Variants in MRM3 observed in about 807,000 individuals in gnomAD.
The protein encoded by MRM3 is rRNA methyltransferase 3, mitochondrial.
MRM3 carries 26 observed loss-of-function variants against 29.4 expected under a neutral mutation model. That is an observed-to-expected ratio of 0.89 (90% CI 0.65 to 1.23). The LOEUF (loss-of-function observed/expected upper bound fraction) is 1.23. MRM3 is among the 50% of genes most tolerant of loss of function. The pLI, the probability that MRM3 is intolerant of heterozygous loss-of-function variation, is 0.00. For synonymous variants in MRM3, 225 were observed against 219.0 expected, an observed-to-expected ratio of 1.03 and a Z score of -0.24; for missense variants, 578 against 540.2, an observed-to-expected ratio of 1.07 and a Z score of -0.69.
At chr17:783,648 A>G (rs1035801775) in intron 2 of MRM3, 1 of 202,702 alleles carries the variant, frequency 4.9e-6, no homozygotes, top group South Asian at 8.8e-5. Flanking sequence ...TACACAGTGT[A>G]TCTTAAGGTG....
chr17:783,389 T>G (rs2144513086), intron 2 of MRM3, 62 bp downstream of exon 2: 1 of 1,492,266 alleles, frequency 6.7e-7, no homozygotes, highest in Non-Finnish European at 9.0e-7. Flanking sequence ...CAGGCTGGAG[T>G]GCAATGGCGC....
chr17:783,940 AT>A (rs574510352), intron 2 of MRM3, among the ~76,000 whole-genome samples: 19 of 152,232 alleles, frequency 1.2e-4, no homozygotes, highest in African/African-American at 4.6e-4. Context: ...TGAGCCCTTC[AT>A]TTTTGCAAAA....
intron 3 of MRM3, 63 bp from the exon 4 acceptor site, chr17:791,471 C>T: frequency 3.3e-6 from 5 of 1,530,940 alleles, no homozygotes; most frequent in Non-Finnish European, 4.4e-6. Context: ...ATCAGACTTA[C>T]TCCACAGTCC....
Position 783,198 on chromosome 17 carries a change from T to G in MRM3, c.430T>G (p.Phe144Val), listed in dbSNP as rs775327680. The G allele has an allele frequency of 3.7e-6, 6 of 1,614,140 alleles. No individual in the cohort carries two copies. The highest frequency in any genetic ancestry group is 5.1e-6 in the Non-Finnish European group (6 of 1,180,002). Residue 144 changes from phenylalanine to valine, a missense_variant, in exon 2 of 4, where the codon TTC (phenylalanine) becomes GTC (valine). Phe to Val is a conservative substitution (Grantham distance 50). Transcript: ENST00000304478. Reference protein sequence around the residue: ...ALKAGAVPKMFFFSRLEYLKE... With the variant: ...ALKAGAVPKMVFFSRLEYLKE... The stretch of plus-strand genomic sequence containing the variant: ...CAAGGCTGGAGCTGTGCCAAAAATG[T>G]TCTTCTTTAGCCGTCTAGAATACCT...
At chr17:788,490 T>A (rs1018586965) in intron 3 of MRM3, among the ~76,000 whole-genome samples, 1 of 151,266 alleles carries the variant, frequency 6.6e-6, no homozygotes, top group Admixed American at 6.6e-5. Flanking sequence ...TTTTTTTTTT[T>A]TTTATTAAAG....
chr17:784,321 C>T (rs1910433824), intron 2 of MRM3, among the ~76,000 whole-genome samples: 1 of 152,174 alleles, frequency 6.6e-6, no homozygotes, highest in Non-Finnish European at 1.5e-5. Context: ...CTCTTAGATC[C>T]TAGGATGGGG....
intron 3 of MRM3, 106 bp downstream of exon 3, chr17:788,238 G>A (rs1015771336): frequency 3.0e-5 from 33 of 1,102,788 alleles, no homozygotes; most frequent in Middle Eastern, 2.4e-4. Context: ...GACCATCCTG[G>A]GCAACATAGT....
chr17:789,741 T>C (rs1264451284), intron 3 of MRM3: 1 of 152,244 alleles, frequency 6.6e-6, no homozygotes, highest in Non-Finnish European at 1.5e-5. Context: ...AGTGCTCTGA[T>C]AGCTGTTGTG....
chr17:789,031 C>T (rs1910674236), intron 3 of MRM3, among the ~76,000 whole-genome samples: 1 of 152,090 alleles, frequency 6.6e-6, no homozygotes, highest in Admixed American at 6.6e-5. Flanking sequence ...TGCTGTGTTG[C>T]CCAGGCTAAT....
chr17:787,355 A>C lies in MRM3; in HGVS notation c.560-610A>C, dbSNP rs1910581523. 6.6e-6 allele frequency among the ~76,000 whole-genome samples: 1 copy of C among 152,224 alleles called. No homozygotes were observed. Among genetic ancestry groups the C allele is most frequent in the Non-Finnish European group, 1.5e-5 (1 of 68,046 alleles). On this transcript the variant is annotated intron_variant, in intron 2 of 3. Coordinates refer to ENST00000304478, the MANE Select transcript of MRM3 (RefSeq NM_018146.4). This position sits in a 1 kb window ranked among gnomAD's most constrained non-coding sequence, Gnocchi z 4.1. Reference sequence around the variant, plus strand: ...GTTGCGTAAATAAGTCGATTACAGAATAATACAGAGTATGACACGGAATGT... The same window carrying C: ...GTTGCGTAAATAAGTCGATTACAGACTAATACAGAGTATGACACGGAATGT...
chr17:788,662 A>AC (rs1910652889), intron 3 of MRM3, among the ~76,000 whole-genome samples: 1 of 151,922 alleles, frequency 6.6e-6, no homozygotes, highest in Non-Finnish European at 1.5e-5. Flanking sequence ...GCAGGCAGAC[A>AC]TGCATTGGAT....
In MRM3 at chr17:787,151, C is replaced by A. The variant is rs926130738; in HGVS notation, c.560-814C>A. Reference sequence around the variant, plus strand: ...CCCAGCTACTTGGGAGGCTGAGAGGCAGGAGAATTGCTTAAACCCGGGAGG... The same window carrying A: ...CCCAGCTACTTGGGAGGCTGAGAGGAAGGAGAATTGCTTAAACCCGGGAGG... On this transcript the variant is annotated intron_variant, in intron 2 of 3. Coordinates refer to ENST00000304478, the MANE Select transcript of MRM3 (RefSeq NM_018146.4). This position sits in a 1 kb window ranked among gnomAD's most constrained non-coding sequence, Gnocchi z 4.1. Among the ~76,000 whole-genome samples, 1 of 151,990 alleles carries A rather than the reference C, an allele frequency of 6.6e-6. No homozygotes were observed. Among genetic ancestry groups the A allele is most frequent in the Non-Finnish European group, 1.5e-5 (1 of 68,006 alleles).
chr17:792,160 C>T lies in MRM3; in HGVS notation c.*91C>T. On this transcript the variant is annotated 3_prime_UTR_variant, in exon 4 of 4. Coordinates refer to ENST00000304478, the MANE Select transcript of MRM3 (RefSeq NM_018146.4). ...GGCTGGCGGAGTCAGTGACTATGGC[C>T]CCCACGTTCAGGAGGAAGGTGTGAT... 2.3e-6 allele frequency: 3 copies of T among 1,315,950 alleles called. No individual in the cohort carries two copies. The highest frequency in any genetic ancestry group is 3.1e-6 in the Non-Finnish European group (3 of 957,338). The allele number at this position is 1,315,950 out of a possible 1,614,324, so 81.5% of individuals were successfully genotyped here.
chr17:788,988 T>G (rs1254274375), intron 3 of MRM3, among the ~76,000 whole-genome samples: 2 of 152,198 alleles, frequency 1.3e-5, no homozygotes, highest in African/African-American at 4.8e-5. Flanking sequence ...ATTCTCTTTT[T>G]TAAAAATTAT....
chr17:784,091 G>T (rs146470547), intron 2 of MRM3, among the ~76,000 whole-genome samples: 1 of 152,202 alleles, frequency 6.6e-6, no homozygotes, highest in Non-Finnish European at 1.5e-5. Context: ...TCCTTCATTT[G>T]GCTGAATCTG....
In MRM3 at chr17:787,901, T is replaced by G; in HGVS notation, c.560-64T>G. On this transcript the variant is annotated intron_variant, in intron 2 of 3. Transcript: ENST00000304478. The surrounding 1 kb of genome is among the most constrained non-coding windows in gnomAD (Gnocchi z 4.1). ...GACCATATCAAGATTGATAAGTAAA[T>G]GAAAAGTCAGACTATTCCCCGTGCC... 1 of 1,481,222 alleles carries G rather than the reference T, an allele frequency of 6.8e-7. No homozygotes were observed. Among genetic ancestry groups the G allele is most frequent in the Non-Finnish European group, 9.4e-7 (1 of 1,063,326 alleles). The allele number at this position is 1,481,222 out of a possible 1,614,324, so 91.8% of individuals were successfully genotyped here. A position where few individuals can be genotyped will look rare whatever the true frequency, so the allele number is the denominator to read the frequency against.
At position 783,427 on chromosome 17, in the gene MRM3, C is replaced by T. The variant is rs982789877; in HGVS notation, c.559+100C>T. 5 of 1,240,236 alleles carry T rather than the reference C, an allele frequency of 4.0e-6. No homozygotes were observed. The African/African-American group carries it at 4.6e-5, about 11-fold the overall frequency. The allele number at this position is 1,240,236 out of a possible 1,614,324, so 76.8% of individuals were successfully genotyped here. On this transcript the variant is annotated intron_variant, in intron 2 of 3. Coordinates refer to ENST00000304478, the MANE Select transcript of MRM3 (RefSeq NM_018146.4). Reference sequence around the variant, plus strand: ...TCTCGGCCCACTGCAACCTCCGCCTCTCGGGTTCAAGGGATTCTCTTGCCT... The same window carrying T: ...TCTCGGCCCACTGCAACCTCCGCCTTTCGGGTTCAAGGGATTCTCTTGCCT...
At chr17:785,658 C>T (rs371093288) in intron 2 of MRM3, among the ~76,000 whole-genome samples, 5 of 152,176 alleles carry the variant, frequency 3.3e-5, no homozygotes, top group African/African-American at 1.2e-4. Flanking sequence ...ACAGCCCCTT[C>T]GTTTTGCAGA....
chr17:783,450 C>A, intron 2 of MRM3, 123 bp downstream of exon 2: 1 of 977,764 alleles, frequency 1.0e-6, no homozygotes, highest in Non-Finnish European at 1.5e-6. Context: ...GATTCTCTTG[C>A]CTCAGCCTCC....
Sources: gnomAD v4.1 joint callset for allele counts (sites outside exome capture counted in the v4.1 genomes callset) on GRCh38, gnomAD v4.1.1 for gene constraint, Gnocchi (gnomAD v3.1) non-coding constraint, MANE v1.5 for transcripts, NCBI Gene and HGNC (gene_info 2026-07-23, HGNC 2026-07-21) for gene names.